Variants in SUSD4 observed in about 807,000 individuals in gnomAD.
SUSD4 encodes sushi domain containing 4.
SUSD4 carries 41 observed loss-of-function variants against 50.5 expected under a neutral mutation model. That is an observed-to-expected ratio of 0.81 (90% CI 0.63 to 1.05). The LOEUF (loss-of-function observed/expected upper bound fraction) is 1.05, where lower values mean the gene tolerates loss of function less well. Ranked by LOEUF, SUSD4 falls within the 50% of genes least tolerant of loss-of-function variation. The probability of loss-of-function intolerance (pLI) is 0.00; values close to 1 mark genes in which losing one functional copy is unlikely to be tolerated. For synonymous variants in SUSD4, 257 were observed against 257.3 expected, an observed-to-expected ratio of 1.00 and a Z score of 0.01; for missense variants, 580 against 634.7, an observed-to-expected ratio of 0.91 and a Z score of 0.93.
At chr1:223,234,904 A>G (rs1660111089) in intron 5 of SUSD4, 1 of 1,551,922 alleles carries the variant, frequency 6.4e-7, no homozygotes, top group African/African-American at 1.4e-5. Flanking sequence ...GTATAGGATA[A>G]AAATGGAATG....
intron 5 of SUSD4, among the ~76,000 whole-genome samples, chr1:223,232,249 T>TATCC (rs1483879098): frequency 6.6e-6 from 1 of 152,168 alleles, no homozygotes; most frequent in East Asian, 1.9e-4. Flanking sequence ...TGATGTATAG[T>TATCC]ATCCAGACTC....
At chr1:223,292,709 C>A (rs1664577257) in intron 2 of SUSD4, 58 bp from the exon 3 acceptor site, 5 of 1,567,530 alleles carry the variant, frequency 3.2e-6, no homozygotes, top group Non-Finnish European at 4.4e-6. Flanking sequence ...ATGCCAAGGG[C>A]CTTCCTACAT....
chr1:223,227,937 C>T lies in SUSD4; in HGVS notation c.917-199G>A, dbSNP rs1659631366. 6.6e-6 allele frequency among the ~76,000 whole-genome samples: 1 copy of T among 152,210 alleles called. No individual in the cohort carries two copies. ...TCAGGATCCACCCAACACTAAAAAC[C>T]TGTCTCCAGCATGGGCTCTGCCAGG... is the stretch of plus-strand genomic sequence containing the variant. On this transcript the variant is annotated intron_variant, in intron 6 of 8. Transcript: ENST00000366878. The surrounding 1 kb of genome is among the most constrained non-coding windows in gnomAD (Gnocchi z 4.5).
intron 5 of SUSD4, among the ~76,000 whole-genome samples, chr1:223,255,546 TG>T (rs1441842622): frequency 6.6e-6 from 1 of 152,136 alleles, no homozygotes; most frequent in Non-Finnish European, 1.5e-5. Flanking sequence ...CCATTGGGGC[TG>T]GGGGAGCCTG....
chr1:223,356,164 AT>A (rs11429350), intron 2 of SUSD4, among the ~76,000 whole-genome samples: 1,878 of 146,894 alleles, frequency 0.013, 46 homozygotes, highest in East Asian at 0.09. Flanking sequence ...AATTATTTCT[AT>A]TTTTTTTTTT....
intron 3 of SUSD4, among the ~76,000 whole-genome samples, chr1:223,272,230 A>G (rs1018795829): frequency 6.6e-6 from 1 of 152,220 alleles, no homozygotes; most frequent in Admixed American, 6.5e-5. Flanking sequence ...CTTCTGTCCT[A>G]TTGAATCTGG....
At chr1:223,244,646 G>A (rs960710521) in intron 5 of SUSD4, among the ~76,000 whole-genome samples, 1 of 152,096 alleles carries the variant, frequency 6.6e-6, no homozygotes, top group Admixed American at 6.5e-5. Flanking sequence ...CTGAGAACTG[G>A]TGACTAAAAT....
chr1:223,326,654 AAAAC>A (rs1440374169), intron 2 of SUSD4, among the ~76,000 whole-genome samples: 1 of 152,228 alleles, frequency 6.6e-6, no homozygotes, highest in African/African-American at 2.4e-5. Flanking sequence ...CCGCAAGAAA[AAAAC>A]AAACAATCCT....
At chr1:223,336,690 G>C (rs915705560) in intron 2 of SUSD4, among the ~76,000 whole-genome samples, 1 of 152,148 alleles carries the variant, frequency 6.6e-6, no homozygotes, top group Non-Finnish European at 1.5e-5. Flanking sequence ...GACTGTAACA[G>C]AGAGCTTTAA....
At chr1:223,347,888 T>A (rs1375374235) in intron 2 of SUSD4, among the ~76,000 whole-genome samples, 1 of 151,952 alleles carries the variant, frequency 6.6e-6, no homozygotes. Flanking sequence ...AGAAGCCCCA[T>A]CTGAGAGAAC....
At chr1:223,237,631 G>A (rs2103015810) in intron 5 of SUSD4, among the ~76,000 whole-genome samples, 1 of 151,918 alleles carries the variant, frequency 6.6e-6, no homozygotes, top group Non-Finnish European at 1.5e-5. Context: ...TTAGTCAGTT[G>A]TTGTGATGAA....
At chr1:223,335,162 G>C (rs936337677) in intron 2 of SUSD4, among the ~76,000 whole-genome samples, 2 of 152,152 alleles carry the variant, frequency 1.3e-5, no homozygotes, top group Non-Finnish European at 2.9e-5. Flanking sequence ...TTGCAATTGT[G>C]AATGTGCTGC....
At chr1:223,261,751 A>G (rs887457299) in intron 5 of SUSD4, among the ~76,000 whole-genome samples, 10 of 152,228 alleles carry the variant, frequency 6.6e-5, no homozygotes, top group African/African-American at 2.4e-4. Flanking sequence ...ATTCACAGAG[A>G]GTCATGCTAG....
At chr1:223,296,059 G>A (rs1039661157) in intron 2 of SUSD4, among the ~76,000 whole-genome samples, 5 of 151,718 alleles carry the variant, frequency 3.3e-5, no homozygotes, top group African/African-American at 9.7e-5. Flanking sequence ...GGCTCTCTCT[G>A]TGTGGGGTGG....
rs772691852 is a variant in SUSD4, at chr1:223,221,456, G to T, written c.*736C>A. ...GATTTACCCAATGCCATGGATCCAT[G>T]TGCCACACCATGAATACAAACACTG... On this transcript the variant is annotated 3_prime_UTR_variant, in exon 9 of 9. Coordinates refer to ENST00000366878, the MANE Select transcript of SUSD4 (RefSeq NM_017982.4). The T allele has an allele frequency of 5.1e-5, 10 of 197,922 alleles. No individual in the cohort carries two copies. Among genetic ancestry groups the T allele is most frequent in the Non-Finnish European group, 9.1e-5 (9 of 98,374 alleles). The allele number at this position is 197,922 out of a possible 1,614,324, so 12.3% of individuals were successfully genotyped here. A position where few individuals can be genotyped will look rare whatever the true frequency, so the allele number is the denominator to read the frequency against.
At chr1:223,281,839 A>G (rs1407531228) in intron 3 of SUSD4, among the ~76,000 whole-genome samples, 3 of 152,366 alleles carry the variant, frequency 2.0e-5, no homozygotes, top group South Asian at 2.1e-4. Context: ...AAAATCCTCA[A>G]TAAAATACTG....
At chr1:223,254,071 AC>A (rs1661518246) in intron 5 of SUSD4, among the ~76,000 whole-genome samples, 2 of 152,110 alleles carry the variant, frequency 1.3e-5, no homozygotes, top group African/African-American at 2.4e-5. Flanking sequence ...CATGTTCTCC[AC>A]CCCCTGCTCC....
intron 5 of SUSD4, among the ~76,000 whole-genome samples, chr1:223,246,094 C>T (rs901018970): frequency 2.0e-5 from 3 of 152,074 alleles, no homozygotes; most frequent in Admixed American, 2.0e-4. Context: ...GGACTGCACG[C>T]ACTCACATAA....
At chr1:223,223,201 T>C (rs1471260370) in intron 8 of SUSD4, 48 bp downstream of exon 8, 1 of 1,502,796 alleles carries the variant, frequency 6.7e-7, no homozygotes, top group Non-Finnish European at 8.8e-7. Context: ...AAGATGCTGG[T>C]GCGGAGGTGT....
Sources: allele counts gnomAD v4.1 joint callset (sites outside exome capture counted in the v4.1 genomes callset), GRCh38; gene constraint gnomAD v4.1.1; non-coding constraint Gnocchi (gnomAD v3.1); transcripts MANE v1.5; gene names NCBI Gene and HGNC (gene_info 2026-07-23, HGNC 2026-07-21).